SCFD2: variants seen among roughly 807,000 people sequenced by gnomAD.
SCFD2 encodes the protein sec1 family domain-containing protein 2.
Under a neutral mutation model 58.9 loss-of-function variants are expected in SCFD2, and 54 were observed. The ratio of observed to expected loss-of-function variants is 0.92; its 90% confidence interval spans 0.74 to 1.15. SCFD2 has a LOEUF of 1.15. SCFD2 is among the 50% of genes most tolerant of loss of function. The probability of loss-of-function intolerance (pLI) is 0.00; values close to 1 mark genes in which losing one functional copy is unlikely to be tolerated. For missense variants in SCFD2, 805 were observed against 836.6 expected, an observed-to-expected ratio of 0.96 and a Z score of 0.47; for synonymous variants, 321 against 335.9, an observed-to-expected ratio of 0.96 and a Z score of 0.49.
At chr4:52,893,654 C>G (rs1384843327) in intron 7 of SCFD2, among the ~76,000 whole-genome samples, 1 of 152,238 alleles carries the variant, frequency 6.6e-6, no homozygotes, top group Non-Finnish European at 1.5e-5. Flanking sequence ...CCTGGAATGG[C>G]CCCCTGACCC....
chr4:52,887,724 G>GT (rs1250109313), intron 7 of SCFD2, among the ~76,000 whole-genome samples: 1 of 152,140 alleles, frequency 6.6e-6, no homozygotes, highest in Non-Finnish European at 1.5e-5. Flanking sequence ...AATGAAGGTA[G>GT]TAAGTGTTCT....
intron 5 of SCFD2, among the ~76,000 whole-genome samples, chr4:53,013,997 A>C (rs1411848103): frequency 1.3e-5 from 2 of 152,214 alleles, no homozygotes; most frequent in African/African-American, 2.4e-5. Flanking sequence ...CTTGGAATTA[A>C]ATTAACTAAT....
At chr4:52,875,605 C>T (rs2109436667) in intron 8 of SCFD2, among the ~76,000 whole-genome samples, 1 of 151,682 alleles carries the variant, frequency 6.6e-6, no homozygotes, top group Middle Eastern at 3.4e-3. Flanking sequence ...TAACCAACCC[C>T]AAGTCCACGA....
At chr4:53,118,573 A>T (rs1246617694) in intron 5 of SCFD2, among the ~76,000 whole-genome samples, 1 of 152,236 alleles carries the variant, frequency 6.6e-6, no homozygotes, top group Non-Finnish European at 1.5e-5. Flanking sequence ...AGGTACAATA[A>T]CAGTAAAGCA....
chr4:52,957,104 G>A (rs1196468150), intron 5 of SCFD2: 1 of 152,124 alleles, frequency 6.6e-6, no homozygotes, highest in Non-Finnish European at 1.5e-5. Flanking sequence ...AACCACCCTG[G>A]GCTTCAAATG....
chr4:52,893,648 G>A (rs1350914063), intron 7 of SCFD2, among the ~76,000 whole-genome samples: 1 of 152,212 alleles, frequency 6.6e-6, no homozygotes, highest in African/African-American at 2.4e-5. Flanking sequence ...ATTGGTCCTG[G>A]AATGGCCCCC....
intron 8 of SCFD2, among the ~76,000 whole-genome samples, chr4:52,875,223 G>C (rs1453752686): frequency 6.6e-6 from 1 of 152,078 alleles, no homozygotes; most frequent in Admixed American, 6.6e-5. Flanking sequence ...GCACCTTTGG[G>C]CTCCTCTGGC....
chr4:53,152,038 C>T (rs755516646), intron 4 of SCFD2, among the ~76,000 whole-genome samples: 1 of 152,186 alleles, frequency 6.6e-6, no homozygotes, highest in Non-Finnish European at 1.5e-5. Context: ...ATAACCCAAA[C>T]ATCTCCCACC....
At chr4:53,255,432 T>G (rs980764909) in intron 4 of SCFD2, among the ~76,000 whole-genome samples, 1 of 152,082 alleles carries the variant, frequency 6.6e-6, no homozygotes, top group Non-Finnish European at 1.5e-5. Context: ...GCATGCTGCC[T>G]TCAAGCATCT....
At chr4:53,007,586 G>A (rs1193475113) in intron 5 of SCFD2, among the ~76,000 whole-genome samples, 1 of 152,108 alleles carries the variant, frequency 6.6e-6, no homozygotes. Flanking sequence ...GGTATGTTCT[G>A]GGGCAATCTA....
chr4:52,902,518 C>T (rs1171400219), intron 7 of SCFD2, among the ~76,000 whole-genome samples: 3 of 152,230 alleles, frequency 2.0e-5, no homozygotes, highest in Non-Finnish European at 4.4e-5. Context: ...AACAATTAGG[C>T]TTTGTGCCCC....
chr4:52,999,754 C>G (rs1028757581), intron 5 of SCFD2, among the ~76,000 whole-genome samples: 2 of 152,186 alleles, frequency 1.3e-5, no homozygotes, highest in Non-Finnish European at 2.9e-5. Context: ...ACCACGACTT[C>G]TTTGAAATCA....
intron 3 of SCFD2, among the ~76,000 whole-genome samples, chr4:53,292,817 T>C (rs1731887231): frequency 1.3e-5 from 2 of 151,974 alleles, no homozygotes; most frequent in Admixed American, 6.6e-5. Context: ...CCATCAATGG[T>C]AGACTGGATA....
intron 5 of SCFD2, among the ~76,000 whole-genome samples, chr4:53,129,305 A>G (rs912038292): frequency 7.2e-5 from 11 of 152,354 alleles, no homozygotes; most frequent in African/African-American, 1.9e-4. Flanking sequence ...AAACACTTCA[A>G]TGAAAATTAA....
At chr4:52,940,638 G>A (rs1439754096) in intron 5 of SCFD2, among the ~76,000 whole-genome samples, 3 of 152,176 alleles carry the variant, frequency 2.0e-5, no homozygotes, top group Non-Finnish European at 4.4e-5. Flanking sequence ...ACCACTGCTC[G>A]TAAGTTCGGA....
chr4:53,301,419 A>G (rs1453613309), intron 3 of SCFD2, among the ~76,000 whole-genome samples: 1 of 152,040 alleles, frequency 6.6e-6, no homozygotes, highest in Non-Finnish European at 1.5e-5. Flanking sequence ...GAATCTCTGA[A>G]TAGACCAATA....
intron 5 of SCFD2, among the ~76,000 whole-genome samples, chr4:53,110,041 G>GGAACAGAACAGAACA (rs56074725): frequency 0.16 from 24,482 of 151,204 alleles, 2,396 homozygotes; most frequent in Middle Eastern, 0.25. Context: ...ACAGACCAAT[G>GGAACAGAACAGAACA]GAACAGAACA....
intron 7 of SCFD2, among the ~76,000 whole-genome samples, chr4:52,907,247 C>A (rs1442899640): frequency 1.3e-5 from 2 of 152,166 alleles, no homozygotes; most frequent in East Asian, 1.9e-4. Context: ...CCAGAAAAGA[C>A]CACAGTGCTC....
At chr4:52,908,912 C>T (rs777555684) in intron 6 of SCFD2, among the ~76,000 whole-genome samples, 2 of 152,028 alleles carry the variant, frequency 1.3e-5, no homozygotes, top group Non-Finnish European at 2.9e-5. Context: ...TCAGGAAGGG[C>T]AAGGCAATGA....
Sources: allele counts gnomAD v4.1 joint callset (sites outside exome capture counted in the v4.1 genomes callset), GRCh38; gene constraint gnomAD v4.1.1; transcripts MANE v1.5; gene names NCBI Gene and HGNC (gene_info 2026-07-23, HGNC 2026-07-21).